Variants in HS6ST2 observed in about 807,000 individuals in gnomAD.
The protein encoded by HS6ST2 is heparan sulfate 6-O-sulfotransferase 2.
In HS6ST2, 17 loss-of-function variants were observed where a neutral mutation model predicts 33.0. The observed-to-expected ratio is 0.52, with a 90% CI of 0.35 to 0.77. The LOEUF (loss-of-function observed/expected upper bound fraction) is 0.77, where lower values mean the gene tolerates loss of function less well. Ranked by LOEUF, HS6ST2 falls within the 30% of genes least tolerant of loss-of-function variation. HS6ST2 has a pLI of 0.01. For synonymous variants in HS6ST2, 248 were observed against 237.1 expected, an observed-to-expected ratio of 1.05 and a Z score of -0.42; for missense variants, 519 against 551.7, an observed-to-expected ratio of 0.94 and a Z score of 0.59.
chrX:132,777,125 T>G (rs1267321188), intron 2 of HS6ST2, among the ~76,000 whole-genome samples: 6 of 103,206 alleles, frequency 5.8e-5, no homozygotes, highest in African/African-American at 1.4e-4. Context: ...CCAGGGATGC[T>G]GCTAAACTTC....
chrX:132,629,974 T>C (rs1422979042), intron 4 of HS6ST2, among the ~76,000 whole-genome samples: 3 of 112,397 alleles, frequency 2.7e-5, no homozygotes, highest in Non-Finnish European at 5.6e-5. Flanking sequence ...ATGGCTGTCT[T>C]CTCTTTAGGG....
chrX:132,793,863 A>C (rs975611665), intron 2 of HS6ST2, among the ~76,000 whole-genome samples: 1 of 112,404 alleles, frequency 8.9e-6, no homozygotes, highest in Non-Finnish European at 1.9e-5. Flanking sequence ...TCAACTACTT[A>C]ATTATAATCC....
intron 2 of HS6ST2, among the ~76,000 whole-genome samples, chrX:132,773,662 C>A (rs1181323204): frequency 8.9e-6 from 1 of 112,155 alleles, no homozygotes; most frequent in Non-Finnish European, 1.9e-5. Flanking sequence ...AAGTGAAGCT[C>A]TGATAGTGCT....
chrX:132,817,523 T>A (rs1481606264), intron 2 of HS6ST2, among the ~76,000 whole-genome samples: 1 of 111,423 alleles, frequency 9.0e-6, no homozygotes, highest in African/African-American at 3.3e-5. Flanking sequence ...TCTAATAAAT[T>A]ATCTTTTGAC....
In HS6ST2 at chrX:132,925,945, A is replaced by G. The variant is rs140895199; in HGVS notation, c.947+30863T>C. On this transcript the variant is annotated intron_variant, in intron 2 of 4. Transcript: ENST00000370833. The stretch of plus-strand genomic sequence containing the variant: ...TGAGGAAACTGAAGGTCAGAAGTAG[A>G]TGCAGTGATTAACCCAAAGTCTCAT... Among the ~76,000 whole-genome samples the G allele has an allele frequency of 7.5e-3, 843 of 111,854 alleles. 2 individuals are homozygous for G. Among genetic ancestry groups the G allele is most frequent in the Middle Eastern group, 0.027 (6 of 219 alleles).
At position 132,628,848 on chromosome X, in the gene HS6ST2, G is replaced by C; in HGVS notation, c.1313C>G (p.Thr438Ser). 1.7e-6 allele frequency: 2 copies of C among 1,211,791 alleles called. No individual in the cohort carries two copies. The highest frequency in any genetic ancestry group is 2.2e-6 in the Non-Finnish European group (2 of 895,464). The change falls in exon 5 of 5, where the codon ACC (threonine) becomes AGC (serine). Residue 438 changes from threonine (T) to serine (S), a missense_variant. By Grantham distance (58) the Thr-to-Ser change is moderately conservative. Coordinates refer to ENST00000370833, the MANE Select transcript of HS6ST2 (RefSeq NM_001394073.1). ...AGAGAGGTTGTAGCAGCCTACCAGG[G>C]TCAGGTCGGAGAGCATGCGCACCTG... ...NRQVRMLSDL[T>S]LVGCYNLSVM... is the part of the protein sequence containing the mutation.
intron 2 of HS6ST2, among the ~76,000 whole-genome samples, chrX:132,864,446 A>G (rs2065948007): frequency 9.3e-6 from 1 of 107,718 alleles, no homozygotes; most frequent in Non-Finnish European, 1.9e-5. Flanking sequence ...TGAGAACTTC[A>G]CGAAGGATAC....
intron 4 of HS6ST2, among the ~76,000 whole-genome samples, chrX:132,653,476 C>G (rs1222817612): frequency 9.0e-6 from 1 of 111,711 alleles, no homozygotes; most frequent in Non-Finnish European, 1.9e-5. Flanking sequence ...GTTTCTAGCT[C>G]CATTATTTGT....
At chrX:132,928,579 G>A (rs2066733107) in intron 2 of HS6ST2, among the ~76,000 whole-genome samples, 1 of 111,135 alleles carries the variant, frequency 9.0e-6, no homozygotes, top group Non-Finnish European at 1.9e-5. Context: ...GATTTGGGCA[G>A]AGACAAATAT....
chrX:132,863,483 C>A (rs2065933136), intron 2 of HS6ST2, among the ~76,000 whole-genome samples: 1 of 91,082 alleles, frequency 1.1e-5, no homozygotes, highest in African/African-American at 4.4e-5. Context: ...ACACACCCAG[C>A]TAACTTAATT....
chrX:132,751,075 A>G (rs1431148756), intron 2 of HS6ST2, among the ~76,000 whole-genome samples: 6 of 112,136 alleles, frequency 5.4e-5, no homozygotes, highest in Non-Finnish European at 1.1e-4. Flanking sequence ...TGGAGATTTC[A>G]CAGGCCAAGA....
chrX:132,899,778 A>G (rs746006540), intron 2 of HS6ST2, among the ~76,000 whole-genome samples: 2 of 112,065 alleles, frequency 1.8e-5, no homozygotes, highest in South Asian at 7.5e-4. Context: ...AATAAAAGGA[A>G]AAAACCACAC....
rs201025636 is a variant in HS6ST2 at position 132,787,165 on chromosome X, A to ATGTG, written c.948-78672_948-78671insCACA. 6.5e-3 allele frequency among the ~76,000 whole-genome samples: 439 copies of ATGTG among 67,988 alleles called. 16 individuals carry two copies. The highest frequency in any genetic ancestry group is 0.024 in the African/African-American group (360 of 15,012). 59.0% of individuals were successfully genotyped at this position (67,988 alleles called of 115,157 possible). A position where few individuals can be genotyped will look rare whatever the true frequency, so the allele number is the denominator to read the frequency against. On this transcript the variant is annotated intron_variant, in intron 2 of 4. Coordinates refer to ENST00000370833, the MANE Select transcript of HS6ST2 (RefSeq NM_001394073.1). ...CCAAAGTGTGTGTGTGTATATATATATGTATATATATATATATATATACAT... is the reference window on the plus strand; with the variant it reads ...CCAAAGTGTGTGTGTGTATATATATATGTGTGTATATATATATATATATATACAT...
intron 2 of HS6ST2, among the ~76,000 whole-genome samples, chrX:132,866,967 T>C (rs1209812292): frequency 1.0e-5 from 1 of 98,126 alleles, no homozygotes; most frequent in Non-Finnish European, 2.1e-5. Context: ...TGAATACCCT[T>C]TATTTCCTTC....
intron 2 of HS6ST2, among the ~76,000 whole-genome samples, chrX:132,898,968 C>G (rs2066404013): frequency 2.7e-5 from 3 of 110,915 alleles, no homozygotes; most frequent in African/African-American, 9.8e-5. Context: ...GACACAGGAA[C>G]AGTTTGTGTT....
chrX:132,890,203 T>C (rs1263477757), intron 2 of HS6ST2, among the ~76,000 whole-genome samples: 1 of 110,132 alleles, frequency 9.1e-6, no homozygotes, highest in Non-Finnish European at 1.9e-5. Flanking sequence ...GTACTATCTA[T>C]CACTATTATT....
chrX:132,686,648 G>T (rs2064018471), intron 3 of HS6ST2, among the ~76,000 whole-genome samples: 1 of 111,577 alleles, frequency 9.0e-6, no homozygotes, highest in African/African-American at 3.3e-5. Flanking sequence ...CCAAGTGATT[G>T]GTATGCCTTG....
At chrX:132,809,814 C>T (rs1307485767) in intron 2 of HS6ST2, among the ~76,000 whole-genome samples, 2 of 111,820 alleles carry the variant, frequency 1.8e-5, no homozygotes, top group Admixed American at 9.5e-5. Context: ...ACCAACAATG[C>T]CTTCCTGACC....
chrX:132,812,444 T>TAATAATAAA (rs1434253178), intron 2 of HS6ST2, among the ~76,000 whole-genome samples: 26 of 96,888 alleles, frequency 2.7e-4, no homozygotes, highest in African/African-American at 7.5e-4. Context: ...ATAATAATAA[T>TAATAATAAA]AAAATAATAA....
Sources: allele counts gnomAD v4.1 joint callset (sites outside exome capture counted in the v4.1 genomes callset), GRCh38; gene constraint gnomAD v4.1.1; transcripts MANE v1.5; gene names NCBI Gene and HGNC (gene_info 2026-07-23, HGNC 2026-07-21).